Variants in CSMD1 observed in about 807,000 individuals in gnomAD.
CSMD1 encodes CUB and sushi domain-containing protein 1.
Under a neutral mutation model 417.5 loss-of-function variants are expected in CSMD1, and 213 were observed. The ratio of observed to expected loss-of-function variants is 0.51; its 90% confidence interval spans 0.46 to 0.57. CSMD1 has a LOEUF of 0.57. Among genes scored for constraint, CSMD1 ranks in the 20% least tolerant of loss-of-function variants. CSMD1 has a pLI of 0.00. For synonymous variants in CSMD1, 2,862 were observed against 1,736.8 expected (o/e 1.65, Z -16.11); for missense variants, 6,923 against 4,529.7 (o/e 1.53, Z -15.17).
chr8:4,182,995 C>G (rs73182323), intron 3 of CSMD1, among the ~76,000 whole-genome samples: 15,258 of 152,048 alleles, frequency 0.1, 858 homozygotes, highest in Middle Eastern at 0.18. Context: ...CAAAGTCTTT[C>G]AAGTAAAGAG....
intron 3 of CSMD1, among the ~76,000 whole-genome samples, chr8:4,406,002 A>T (rs1804991847): frequency 6.6e-6 from 1 of 152,162 alleles, no homozygotes; most frequent in Admixed American, 6.5e-5. Context: ...GACGAGTGAG[A>T]GGGCAATTCA....
Position 3,772,364 on chromosome 8 carries a change from C to CATATGTACATATATACATATATTT in CSMD1, c.819-18323_819-18322insAAATATATGTATATATGTACATAT, listed in dbSNP as rs1563064053. On this transcript the variant is annotated intron_variant, in intron 5 of 69. Coordinates refer to ENST00000635120, the MANE Select transcript of CSMD1 (RefSeq NM_033225.6). ...ACATATATACATATATTTATATATA[C>CATATGTACATATATACATATATTT]ATATATACATATATTCATATATTTA... 4.9e-4 allele frequency among the ~76,000 whole-genome samples: 53 copies of CATATGTACATATATACATATATTT among 107,556 alleles called. 7 individuals are homozygous for CATATGTACATATATACATATATTT. In the East Asian group the frequency reaches 6.5e-3, roughly 13 times the overall value. 70.6% of individuals were successfully genotyped at this position (107,556 alleles called of 152,430 possible).
At chr8:4,059,348 C>T (rs904561286) in intron 3 of CSMD1, among the ~76,000 whole-genome samples, 61 of 152,090 alleles carry the variant, frequency 4.0e-4, no homozygotes, top group African/African-American at 1.4e-3. Context: ...TAGGAAAGAT[C>T]CAAAATGGAC....
At chr8:3,049,581 C>A (rs1277807761) in intron 50 of CSMD1, among the ~76,000 whole-genome samples, 1 of 151,790 alleles carries the variant, frequency 6.6e-6, no homozygotes, top group Non-Finnish European at 1.5e-5. Flanking sequence ...GGGTTGGATG[C>A]AGGAAGGCGT....
intron 3 of CSMD1, among the ~76,000 whole-genome samples, chr8:4,064,124 A>G (rs1585235011): frequency 1.3e-5 from 2 of 152,246 alleles, no homozygotes; most frequent in East Asian, 3.9e-4. Flanking sequence ...GTCCTAGAAA[A>G]TTGTTTCTGC....
intron 3 of CSMD1, among the ~76,000 whole-genome samples, chr8:4,408,864 G>A (rs985097111): frequency 3.3e-5 from 5 of 152,222 alleles, no homozygotes; most frequent in South Asian, 2.1e-4. Context: ...ATATACTTAC[G>A]TTTAGAAACA....
chr8:4,421,258 A>T (rs550894039), intron 2 of CSMD1, among the ~76,000 whole-genome samples: 35 of 152,216 alleles, frequency 2.3e-4, no homozygotes, highest in Non-Finnish European at 4.4e-4. Context: ...ACAAAAAACA[A>T]AAAACAGTGA....
At chr8:4,909,696 ACTG>A (rs937201927) in intron 1 of CSMD1, among the ~76,000 whole-genome samples, 2 of 152,060 alleles carry the variant, frequency 1.3e-5, no homozygotes, top group African/African-American at 4.8e-5. Flanking sequence ...TTCTCACACC[ACTG>A]CTTCCAGCAG....
In CSMD1 at chr8:2,973,242, C is replaced by T. The variant is rs748543402; in HGVS notation, c.8798G>A (p.Gly2933Asp). The T allele has an allele frequency of 1.9e-6, 3 of 1,613,950 alleles. No homozygotes were observed. In the East Asian group the frequency reaches 6.7e-5, roughly 36 times the overall value. ...PGTPAHGSRLGDDFKTKSLLR... is the reference protein window; with the variant it reads ...PGTPAHGSRLDDDFKTKSLLR... ...AAGACTCTTTGTCTTAAAGTCATCA[C>T]CAAGCCGAGACCCATGTGCTGGGGT... The change falls in exon 57 of 70, where the codon GGT (glycine) becomes GAT (aspartate). Residue 2933 changes from glycine (G) to aspartate (D), a missense_variant. Transcript: ENST00000635120.
At chr8:4,401,863 A>G (rs1804667683) in intron 3 of CSMD1, among the ~76,000 whole-genome samples, 1 of 151,644 alleles carries the variant, frequency 6.6e-6, no homozygotes, top group Non-Finnish European at 1.5e-5. Flanking sequence ...TTCCCCCCAA[A>G]TTCCCAGCTT....
chr8:3,393,874 G>C (rs1298866256), intron 17 of CSMD1, among the ~76,000 whole-genome samples: 1 of 150,914 alleles, frequency 6.6e-6, no homozygotes, highest in Non-Finnish European at 1.5e-5. Context: ...AGCATTAGGA[G>C]ATATACCTAA....
At chr8:4,842,608 G>C (rs918480324) in intron 1 of CSMD1, among the ~76,000 whole-genome samples, 1 of 152,178 alleles carries the variant, frequency 6.6e-6, no homozygotes, top group Non-Finnish European at 1.5e-5. Context: ...CAGGGAACCC[G>C]GGTGCCTATG....
chr8:4,304,894 A>T (rs1226577181), intron 3 of CSMD1, among the ~76,000 whole-genome samples: 2 of 152,124 alleles, frequency 1.3e-5, no homozygotes, highest in Admixed American at 6.6e-5. Context: ...AATCTATCAA[A>T]ATATATATTA....
At chr8:3,591,344 AT>A (rs1380062236) in intron 8 of CSMD1, among the ~76,000 whole-genome samples, 1 of 152,312 alleles carries the variant, frequency 6.6e-6, no homozygotes, top group East Asian at 1.9e-4. Context: ...TCACCATATA[AT>A]TCACTTTACC....
intron 3 of CSMD1, among the ~76,000 whole-genome samples, chr8:4,183,426 T>A (rs1216745474): frequency 2.0e-5 from 3 of 152,210 alleles, no homozygotes; most frequent in East Asian, 3.8e-4. Context: ...ATACTGTGGG[T>A]CACAGCTTGT....
intron 41 of CSMD1, among the ~76,000 whole-genome samples, chr8:3,125,070 T>C (rs1170604258): frequency 6.6e-6 from 1 of 152,230 alleles, no homozygotes; most frequent in Non-Finnish European, 1.5e-5. Flanking sequence ...CTCTCTTTTC[T>C]CAAATGTCTT....
intron 1 of CSMD1, among the ~76,000 whole-genome samples, chr8:4,956,926 T>A (rs898559192): frequency 2.0e-5 from 3 of 152,274 alleles, no homozygotes; most frequent in Middle Eastern, 3.4e-3. Context: ...CACATTCAAT[T>A]GCACTGGACA....
chr8:4,696,730 C>A (rs929335082), intron 1 of CSMD1, among the ~76,000 whole-genome samples: 2 of 152,236 alleles, frequency 1.3e-5, no homozygotes, highest in East Asian at 3.9e-4. Context: ...CACTAGTACC[C>A]AGAATAATGC....
intron 2 of CSMD1, among the ~76,000 whole-genome samples, chr8:4,502,930 T>G (rs2130293244): frequency 6.6e-6 from 1 of 152,342 alleles, no homozygotes; most frequent in Non-Finnish European, 1.5e-5. Flanking sequence ...ATTATATGTC[T>G]GTTTGGTCTC....
Sources: allele counts gnomAD v4.1 joint callset (sites outside exome capture counted in the v4.1 genomes callset), GRCh38; gene constraint gnomAD v4.1.1; transcripts MANE v1.5; gene names NCBI Gene and HGNC (gene_info 2026-07-23, HGNC 2026-07-21).